The following ATRX variants were observed in gnomAD, a reference collection of about 807,000 sequenced individuals.
ATRX encodes the protein chromatin remodeler ATRX.
Under a neutral mutation model 172.6 loss-of-function variants are expected in ATRX, and 12 were observed. The observed-to-expected ratio is 0.07, with a 90% confidence interval of 0.04 to 0.11. The LOEUF is 0.11. ATRX is among the 10% of genes least tolerant of loss of function. ATRX has a pLI of 1.00. For synonymous variants in ATRX, 674 were observed against 594.7 expected (o/e 1.13, Z -1.94); for missense variants, 1,368 against 1,767.4 (o/e 0.77, Z 4.05).
intron 14 of ATRX, among the ~76,000 whole-genome samples, chrX:77,653,552 G>A (rs184846441): frequency 8.9e-6 from 1 of 112,010 alleles, no homozygotes; most frequent in Admixed American, 9.5e-5. Flanking sequence ...ATGGGGGATA[G>A]AAGGAAATGG....
intron 7 of ATRX, among the ~76,000 whole-genome samples, chrX:77,686,503 G>C (rs1260514897): frequency 9.0e-6 from 1 of 111,681 alleles, no homozygotes; most frequent in African/African-American, 3.3e-5. Context: ...ATCACCTGAG[G>C]TCAGGAGTTC....
rs782001544 is a variant in ATRX, at chrX:77,576,751, A to C, written c.6218-2393T>G. The stretch of plus-strand genomic sequence containing the variant: ...GCACTCTGGGAAGCCCCGTGGAGTT[A>C]TCTGTTCTCTCACACTCCCCATTTC... On this transcript the variant is annotated intron_variant, in intron 27 of 34. Coordinates refer to ENST00000373344, the MANE Select transcript of ATRX (RefSeq NM_000489.6). 6.3e-5 allele frequency among the ~76,000 whole-genome samples: 7 copies of C among 111,539 alleles called. No homozygotes were observed. In the East Asian group the frequency reaches 2.0e-3, roughly 32 times the overall value.
In ATRX at chrX:77,633,571, G is replaced by C. The variant is rs2148341032; in HGVS notation, c.4951C>G (p.Leu1651Val). Residue 1651 changes from leucine to valine, a missense_variant, in exon 18 of 35, where the codon CTT becomes GTT. Leu to Val is a conservative substitution (Grantham distance 32, BLOSUM62 1). Coordinates refer to ENST00000373344, the MANE Select transcript of ATRX (RefSeq NM_000489.6). ...WQEGLKDDEK[L>V]EVSELATVKR... Reference sequence around the variant, plus strand: ...AAACATTTAAAATAAGTTACCTCAAGCTTCTCATCATCTTTTAATCCCTCT... The same window carrying C: ...AAACATTTAAAATAAGTTACCTCAACCTTCTCATCATCTTTTAATCCCTCT... 8.3e-7 allele frequency: 1 copy of C among 1,205,282 alleles called. No individual in the cohort carries two copies. The highest frequency in any genetic ancestry group is 3.0e-5 in the East Asian group (1 of 33,726).
intron 30 of ATRX, among the ~76,000 whole-genome samples, chrX:77,530,704 G>C (rs1046359770): frequency 1.8e-5 from 2 of 110,489 alleles, no homozygotes; most frequent in Non-Finnish European, 3.8e-5. Flanking sequence ...AGAGAACCAA[G>C]AGCAATCAAA....
intron 27 of ATRX, among the ~76,000 whole-genome samples, chrX:77,578,899 A>G (rs2065726777): frequency 9.0e-6 from 1 of 111,597 alleles, no homozygotes; most frequent in Non-Finnish European, 1.9e-5. Flanking sequence ...CCTGGGGCAG[A>G]GTGGAGCCCA....
At chrX:77,564,833 A>G (rs2065142145) in intron 28 of ATRX, among the ~76,000 whole-genome samples, 1 of 111,695 alleles carries the variant, frequency 9.0e-6, no homozygotes. Context: ...ATGTTAGGAT[A>G]ACCACTCAAT....
At chrX:77,606,027 A>G (rs1290735796) in intron 22 of ATRX, among the ~76,000 whole-genome samples, 1 of 111,382 alleles carries the variant, frequency 9.0e-6, no homozygotes, top group Non-Finnish European at 1.9e-5. Context: ...AGACACATGC[A>G]ATCTACTAAG....
At chrX:77,638,062 T>C (rs782818040) in intron 15 of ATRX, among the ~76,000 whole-genome samples, 1 of 111,244 alleles carries the variant, frequency 9.0e-6, no homozygotes, top group South Asian at 3.7e-4. Flanking sequence ...CAATTAAAAC[T>C]AGTTAACAAA....
rs1224764679 is a variant in ATRX at position 77,635,804 on chromosome X, CCACT to C, written c.4699+107_4699+110del. On this transcript the variant is annotated intron_variant, in intron 16 of 34. Transcript: ENST00000373344. ...GCAGGGGAATTGTGGATTCCCCACCCCACTCACCAATTTACCTCCAGGACTTAGC... is the reference window on the plus strand; with the variant it reads ...GCAGGGGAATTGTGGATTCCCCACCCCACCAATTTACCTCCAGGACTTAGC... 8 of 691,830 alleles carry C rather than the reference CCACT, an allele frequency of 1.2e-5. No homozygotes were observed. The African/African-American group carries it at 1.6e-4, about 13-fold the overall frequency. The allele number at this position is 691,830 out of a possible 1,213,427, so 57.0% of individuals were successfully genotyped here.
At chrX:77,649,031 G>GT (rs2069072133) in intron 15 of ATRX, among the ~76,000 whole-genome samples, 1 of 110,624 alleles carries the variant, frequency 9.0e-6, no homozygotes, top group South Asian at 3.9e-4. Flanking sequence ...AGGTATGGTG[G>GT]TACATGCCTG....
At chrX:77,542,666 C>T (rs1392968455) in intron 30 of ATRX, among the ~76,000 whole-genome samples, 3 of 111,525 alleles carry the variant, frequency 2.7e-5, no homozygotes, top group Non-Finnish European at 3.8e-5. Context: ...TAACACCACA[C>T]ATCTACAACC....
chrX:77,708,290 T>C (rs1179644377), intron 2 of ATRX, among the ~76,000 whole-genome samples: 2 of 112,597 alleles, frequency 1.8e-5, no homozygotes, highest in African/African-American at 6.5e-5. Context: ...AACAGATATC[T>C]TGAATACATT....
At chrX:77,734,208 AATACATACATACATACATACATAC>A (rs201853848) in intron 1 of ATRX, among the ~76,000 whole-genome samples, 3 of 92,002 alleles carry the variant, frequency 3.3e-5, no homozygotes, top group Non-Finnish European at 6.5e-5. Context: ...TTCTGTCTCA[AATACATACATACATACATACATAC>A]ATACATACAT....
chrX:77,671,647 T>C (rs782314446), intron 10 of ATRX, among the ~76,000 whole-genome samples: 2 of 110,815 alleles, frequency 1.8e-5, no homozygotes, highest in African/African-American at 3.3e-5. Context: ...AACACAGAAT[T>C]TACTCATCTC....
chrX:77,740,356 A>AT (rs1425286163), intron 1 of ATRX, among the ~76,000 whole-genome samples: 1 of 110,741 alleles, frequency 9.0e-6, no homozygotes, highest in African/African-American at 3.3e-5. Flanking sequence ...GAGTTTAAAA[A>AT]TCCTGACATC....
At chrX:77,623,504 T>C (rs782314015) in intron 19 of ATRX, among the ~76,000 whole-genome samples, 7 of 111,738 alleles carry the variant, frequency 6.3e-5, no homozygotes, top group Non-Finnish European at 9.4e-5. Flanking sequence ...ACCAATCCTT[T>C]TGACACTATC....
At chrX:77,607,493 C>T (rs1300239622) in intron 22 of ATRX, among the ~76,000 whole-genome samples, 1 of 110,615 alleles carries the variant, frequency 9.0e-6, no homozygotes, top group African/African-American at 3.3e-5. Flanking sequence ...GCGGGTGGAT[C>T]ACTTGAGGCC....
At chrX:77,599,381 C>T (rs782475787) in intron 25 of ATRX, 30 bp downstream of exon 25, 29 of 1,203,200 alleles carry the variant, frequency 2.4e-5, no homozygotes, top group Non-Finnish European at 3.0e-5. Flanking sequence ...ATTACTGTTC[C>T]ATGATAAAGG....
chrX:77,637,960 CACAA>C (rs1158410581), intron 15 of ATRX, among the ~76,000 whole-genome samples: 4 of 57,340 alleles, frequency 7.0e-5, no homozygotes, highest in South Asian at 7.7e-4. Context: ...AAAAAAAAAA[CACAA>C]ACAAACAAAA....
Sources: allele counts gnomAD v4.1 joint callset (sites outside exome capture counted in the v4.1 genomes callset), GRCh38; gene constraint gnomAD v4.1.1; transcripts MANE v1.5; gene names NCBI Gene and HGNC (gene_info 2026-07-23, HGNC 2026-07-21).